CAST: variants seen among roughly 807,000 people sequenced by gnomAD.
CAST encodes the protein calpastatin, also known as MIR583 host.
A neutral mutation model predicts 119.6 loss-of-function variants in CAST; 76 were observed. The observed-to-expected ratio is 0.64, with a 90% CI of 0.53 to 0.77. CAST has a LOEUF of 0.77. Ranked by LOEUF, CAST falls within the 30% of genes least tolerant of loss-of-function variation. The pLI, the probability that CAST is intolerant of heterozygous loss-of-function variation, is 0.00. For missense variants in CAST, 953 were observed against 946.5 expected, an observed-to-expected ratio of 1.01 and a Z score of -0.09; for synonymous variants, 319 against 331.6, an observed-to-expected ratio of 0.96 and a Z score of 0.41.
the CAST span, among the ~76,000 whole-genome samples, chr5:96,208,153 G>T: frequency 6.6e-6 from 1 of 150,912 alleles, no homozygotes; most frequent in Non-Finnish European, 1.5e-5. Flanking sequence ...ATTTCTGTGG[G>T]GTCAGTGGTA....
At chr5:96,132,167 T>C in the CAST span, among the ~76,000 whole-genome samples, 4 of 152,078 alleles carry the variant, frequency 2.6e-5, no homozygotes, top group African/African-American at 9.7e-5. Flanking sequence ...TCAATGAGTA[T>C]GTTTTGACAG....
chr5:96,686,655 G>A (rs1752117436), intron 2 of CAST, among the ~76,000 whole-genome samples: 2 of 152,186 alleles, frequency 1.3e-5, no homozygotes, highest in South Asian at 4.1e-4. Context: ...AGGGTGCTGA[G>A]TATGTGGAGA....
At chr5:96,351,495 G>A in the CAST span, among the ~76,000 whole-genome samples, 1 of 152,118 alleles carries the variant, frequency 6.6e-6, no homozygotes, top group Non-Finnish European at 1.5e-5. Flanking sequence ...ACACTCAACT[G>A]GCACATGAGG....
chr5:96,770,646 C>CACAG (rs1283350912), intron 30 of CAST, 44 bp downstream of exon 30: 1 of 1,261,860 alleles, frequency 7.9e-7, no homozygotes, highest in Admixed American at 1.7e-5. Flanking sequence ...TTAGCAGTTA[C>CACAG]ACAGAGTAGG....
chr5:96,023,371 T>G, the CAST span, among the ~76,000 whole-genome samples: 1 of 152,196 alleles, frequency 6.6e-6, no homozygotes, highest in Non-Finnish European at 1.5e-5. Context: ...ACTTTGCTAA[T>G]CACAACCTAA....
At chr5:96,062,681 T>C in the CAST span, among the ~76,000 whole-genome samples, 1 of 152,118 alleles carries the variant, frequency 6.6e-6, no homozygotes, top group South Asian at 2.1e-4. Flanking sequence ...TAATTGGTCC[T>C]GAAAGAAAAT....
At chr5:96,340,120 C>G in the CAST span, among the ~76,000 whole-genome samples, 1 of 152,170 alleles carries the variant, frequency 6.6e-6, no homozygotes, top group Non-Finnish European at 1.5e-5. Context: ...AGAAGGAAAG[C>G]CATGTCTTTG....
chr5:96,204,177 T>C, the CAST span, among the ~76,000 whole-genome samples: 1 of 152,074 alleles, frequency 6.6e-6, no homozygotes, highest in East Asian at 1.9e-4. Context: ...CCAAGTGATA[T>C]GAACCCCAGT....
At chr5:96,601,951 A>G (rs952536899) in intron 1 of CAST, among the ~76,000 whole-genome samples, 5 of 152,188 alleles carry the variant, frequency 3.3e-5, no homozygotes, top group African/African-American at 9.7e-5. Flanking sequence ...GATCCACTCA[A>G]CTAAGGTCTT....
At chr5:96,195,433 G>C in the CAST span, among the ~76,000 whole-genome samples, 1 of 152,310 alleles carries the variant, frequency 6.6e-6, no homozygotes, top group East Asian at 1.9e-4. Context: ...GAGCTCCCAG[G>C]AAATTCTGTT....
the CAST span, among the ~76,000 whole-genome samples, chr5:96,262,159 A>G: frequency 6.6e-6 from 1 of 152,226 alleles, no homozygotes; most frequent in Non-Finnish European, 1.5e-5. Flanking sequence ...AACAACTATT[A>G]AAACACTCCC....
intron 1 of CAST, among the ~76,000 whole-genome samples, chr5:96,651,529 T>C (rs1341697338): frequency 6.6e-6 from 1 of 152,208 alleles, no homozygotes; most frequent in Non-Finnish European, 1.5e-5. Flanking sequence ...CTTTGTAAGC[T>C]TCGCATCTCA....
chr5:96,689,906 T>G (rs968803166), intron 2 of CAST, among the ~76,000 whole-genome samples: 7 of 152,210 alleles, frequency 4.6e-5, no homozygotes, highest in African/African-American at 7.2e-5. Context: ...CATTCAAGAT[T>G]ATATAGCAAG....
At chr5:96,048,482 C>G in the CAST span, among the ~76,000 whole-genome samples, 1 of 152,090 alleles carries the variant, frequency 6.6e-6, no homozygotes, top group Admixed American at 6.5e-5. Context: ...CTAACTTGCA[C>G]AGCTGAATAG....
chr5:96,238,058 A>G, the CAST span, among the ~76,000 whole-genome samples: 26 of 152,134 alleles, frequency 1.7e-4, no homozygotes, highest in African/African-American at 6.3e-4. Context: ...AAAATGAAAT[A>G]CAATGTTATT....
At chr5:96,057,515 A>C in the CAST span, among the ~76,000 whole-genome samples, 2 of 152,046 alleles carry the variant, frequency 1.3e-5, no homozygotes, top group South Asian at 2.1e-4. Flanking sequence ...GCTTTTCTTC[A>C]TAAGGCATTA....
In CAST at chr5:96,544,323, T is replaced by C. The variant is rs139971721; in HGVS notation, c.60+14443T>C. ...TCATTTTATGCTCATGTAAATGTTA[T>C]TGTGTTTTTAATTTCAAATTCCAAT... On this transcript the variant is annotated intron_variant, in intron 1 of 11. Coordinates refer to the CAST transcript ENST00000505143. Among the ~76,000 whole-genome samples the C allele has an allele frequency of 1.5e-3, 232 of 152,350 alleles. 2 individuals carry two copies. Among genetic ancestry groups the C allele is most frequent in the African/African-American group, 5.3e-3 (221 of 41,588 alleles).
the CAST span, among the ~76,000 whole-genome samples, chr5:96,203,050 C>T: frequency 6.6e-6 from 1 of 151,882 alleles, no homozygotes; most frequent in Non-Finnish European, 1.5e-5. Context: ...ACCTTAGCAT[C>T]TTTGTGTGTG....
At chr5:96,409,459 G>A in the CAST span, among the ~76,000 whole-genome samples, 28 of 152,290 alleles carry the variant, frequency 1.8e-4, no homozygotes, top group East Asian at 1.9e-4. Flanking sequence ...AAAGGTTTGC[G>A]TAAGAAAAAG....
Sources: allele counts gnomAD v4.1 joint callset (sites outside exome capture counted in the v4.1 genomes callset), GRCh38; gene constraint gnomAD v4.1.1; transcripts MANE v1.5; gene names NCBI Gene and HGNC (gene_info 2026-07-23, HGNC 2026-07-21).